The following DYRK1A variants were observed in gnomAD, a reference collection of about 807,000 sequenced individuals.
DYRK1A encodes the protein dual specificity tyrosine phosphorylation regulated kinase 1A.
DYRK1A carries 9 observed loss-of-function variants against 79.7 expected under a neutral mutation model. That is an observed-to-expected ratio of 0.11 (90% CI 0.07 to 0.20). DYRK1A has a LOEUF of 0.20. DYRK1A is among the 10% of genes least tolerant of loss of function. DYRK1A has a pLI of 1.00. For missense variants in DYRK1A, 622 were observed against 956.0 expected (o/e 0.65, Z 4.61); for synonymous variants, 349 against 329.7 (o/e 1.06, Z -0.63).
chr21:37,468,321 C>A (rs2052104186), intron 2 of DYRK1A, among the ~76,000 whole-genome samples: 1 of 151,800 alleles, frequency 6.6e-6, no homozygotes, highest in South Asian at 2.1e-4. Context: ...GTTTCCCAGG[C>A]TGGTCTCAGA....
chr21:37,477,401 G>A (rs2052439165), intron 3 of DYRK1A, among the ~76,000 whole-genome samples: 1 of 152,206 alleles, frequency 6.6e-6, no homozygotes, highest in African/African-American at 2.4e-5. Flanking sequence ...GCACTTGCTG[G>A]AGCAGTGGCA....
intron 2 of DYRK1A, among the ~76,000 whole-genome samples, chr21:37,429,984 G>T (rs989717593): frequency 6.6e-6 from 1 of 152,120 alleles, no homozygotes; most frequent in Non-Finnish European, 1.5e-5. Context: ...AAACCAGATA[G>T]CTCTCAGTGC....
chr21:37,387,006 G>A (rs1454032086), intron 1 of DYRK1A, among the ~76,000 whole-genome samples: 1 of 152,218 alleles, frequency 6.6e-6, no homozygotes, highest in Non-Finnish European at 1.5e-5. Flanking sequence ...CACTGGGCAC[G>A]CTCTCCTTGA....
chr21:37,439,617 T>TTCCC (rs2051030671), intron 2 of DYRK1A, among the ~76,000 whole-genome samples: 1 of 152,154 alleles, frequency 6.6e-6, no homozygotes, highest in Admixed American at 6.5e-5. Context: ...GCGTGCTTCT[T>TTCCC]ATGAGAGTCT....
chr21:37,410,182 A>G (rs2050217586), intron 1 of DYRK1A, among the ~76,000 whole-genome samples: 1 of 152,176 alleles, frequency 6.6e-6, no homozygotes, highest in Admixed American at 6.5e-5. Flanking sequence ...AGCAAGAAAA[A>G]TTTACTGAGG....
intron 9 of DYRK1A, among the ~76,000 whole-genome samples, chr21:37,498,005 A>G (rs1444819854): frequency 6.6e-6 from 1 of 152,184 alleles, no homozygotes; most frequent in Non-Finnish European, 1.5e-5. Context: ...AAATAATTAC[A>G]TTACAAATGG....
intron 2 of DYRK1A, among the ~76,000 whole-genome samples, chr21:37,457,337 A>G (rs910057475): frequency 6.6e-5 from 10 of 152,182 alleles, no homozygotes; most frequent in South Asian, 2.1e-4. Context: ...GGTTCAAGCT[A>G]TTCTCCTGCC....
At chr21:37,471,133 A>G (rs1180955547) in intron 2 of DYRK1A, among the ~76,000 whole-genome samples, 2 of 152,228 alleles carry the variant, frequency 1.3e-5, no homozygotes, top group African/African-American at 4.8e-5. Context: ...TATTGAGTAG[A>G]TCCAGAATTG....
At chr21:37,401,944 T>A (rs958610263) in intron 1 of DYRK1A, among the ~76,000 whole-genome samples, 6 of 152,224 alleles carry the variant, frequency 3.9e-5, no homozygotes, top group South Asian at 2.1e-4. Flanking sequence ...TATTTAGAGT[T>A]AATATTGTTG....
At chr21:37,426,761 A>G (rs1342452586) in intron 2 of DYRK1A, among the ~76,000 whole-genome samples, 3 of 150,486 alleles carry the variant, frequency 2.0e-5, no homozygotes, top group African/African-American at 7.3e-5. Context: ...ATACAAAAAA[A>G]AAAAAAAAAT....
At chr21:37,495,233 G>A (rs570979312) in intron 8 of DYRK1A, among the ~76,000 whole-genome samples, 1 of 148,956 alleles carries the variant, frequency 6.7e-6, no homozygotes, top group South Asian at 2.2e-4. Context: ...AACTGGGTTG[G>A]GTGCCGTACC....
At chr21:37,378,705 C>T (rs1297129507) in intron 1 of DYRK1A, among the ~76,000 whole-genome samples, 1 of 152,088 alleles carries the variant, frequency 6.6e-6, no homozygotes, top group African/African-American at 2.4e-5. Flanking sequence ...GTGGTAGAAG[C>T]TTTTGATTAT....
chr21:37,368,864 A>T (rs2049371917), intron 1 of DYRK1A, among the ~76,000 whole-genome samples: 1 of 152,138 alleles, frequency 6.6e-6, no homozygotes, highest in South Asian at 2.1e-4. Context: ...TAACCTAGAG[A>T]TGTGTCCCCG....
chr21:37,480,583 C>T (rs1163666878), intron 4 of DYRK1A, 55 bp from the exon 5 acceptor site: 7 of 1,367,164 alleles, frequency 5.1e-6, no homozygotes, highest in Middle Eastern at 1.9e-4. Flanking sequence ...TCTGATAATG[C>T]CCTTCCTCAC....
At chr21:37,436,230 G>T (rs2050920650) in intron 2 of DYRK1A, among the ~76,000 whole-genome samples, 1 of 152,168 alleles carries the variant, frequency 6.6e-6, no homozygotes, top group East Asian at 1.9e-4. Context: ...TATCACTTAG[G>T]TTTCAAACAG....
chr21:37,438,397 C>T (rs1267965097), intron 2 of DYRK1A, among the ~76,000 whole-genome samples: 1 of 151,730 alleles, frequency 6.6e-6, no homozygotes, highest in Non-Finnish European at 1.5e-5. Context: ...TGATCAAAAA[C>T]GTTTTTGCCT....
At chr21:37,474,721 T>C (rs1601206003) in intron 3 of DYRK1A, among the ~76,000 whole-genome samples, 2 of 152,372 alleles carry the variant, frequency 1.3e-5, no homozygotes, top group African/African-American at 4.8e-5. Context: ...TAATTTTCAT[T>C]GTTTCTTGTT....
chr21:37,478,194 T>C lies in DYRK1A; in HGVS notation c.208-14T>C, dbSNP rs1569360369. On this transcript the variant is annotated splice_polypyrimidine_tract_variant and intron_variant, in intron 3 of 11. Transcript: ENST00000647188. ...TGTCTATTTAAGGTGATGCCTGATA[T>C]TGTCATGTTACAGAGGCGGATGCCC... 6.2e-7 allele frequency: 1 copy of C among 1,614,074 alleles called. No individual in the cohort carries two copies.
At chr21:37,375,301 T>A (rs796998816) in intron 1 of DYRK1A, among the ~76,000 whole-genome samples, 3 of 152,316 alleles carry the variant, frequency 2.0e-5, no homozygotes, top group African/African-American at 7.2e-5. Flanking sequence ...ATCAGCACTA[T>A]TGTGGGCAAT....
Sources: gnomAD v4.1 joint callset for allele counts (sites outside exome capture counted in the v4.1 genomes callset) on GRCh38, gnomAD v4.1.1 for gene constraint, MANE v1.5 for transcripts, NCBI Gene and HGNC (gene_info 2026-07-23, HGNC 2026-07-21) for gene names.